The following CATSPERE variants were observed in gnomAD, a reference collection of about 807,000 sequenced individuals.
The protein encoded by CATSPERE is catsper channel auxiliary subunit epsilon.
CATSPERE carries 93 observed loss-of-function variants against 114.1 expected under a neutral mutation model. The observed-to-expected ratio is 0.81, with a 90% CI of 0.69 to 0.97. CATSPERE has a LOEUF of 0.97. CATSPERE is among the 50% of genes least tolerant of loss of function. The pLI is 0.00. For missense variants in CATSPERE, 1,058 were observed against 1,131.6 expected (o/e 0.93, Z 0.93); for synonymous variants, 341 against 384.1 (o/e 0.89, Z 1.31).
At chr1:244,488,634 T>C (rs554331901) in intron 5 of CATSPERE, among the ~76,000 whole-genome samples, 2 of 152,374 alleles carry the variant, frequency 1.3e-5, no homozygotes, top group South Asian at 2.1e-4. Context: ...TCTTTTATTA[T>C]CGACAAGTAT....
intron 17 of CATSPERE, among the ~76,000 whole-genome samples, chr1:244,601,508 A>C (rs191807508): frequency 1.7e-4 from 26 of 152,324 alleles, no homozygotes; most frequent in Admixed American, 3.3e-4. Context: ...CTGTCATATA[A>C]ATAAGACAGA....
At chr1:244,490,615 C>A (rs1212069038) in intron 6 of CATSPERE, 144 bp downstream of exon 6, 1 of 530,166 alleles carries the variant, frequency 1.9e-6, no homozygotes, top group Non-Finnish European at 3.4e-6. Flanking sequence ...CTATAAGACC[C>A]ATTCAGGAGG....
intron 1 of CATSPERE, among the ~76,000 whole-genome samples, chr1:244,455,092 G>T (rs1247287944): frequency 6.6e-6 from 1 of 152,086 alleles, no homozygotes; most frequent in African/African-American, 2.4e-5. Context: ...GCTTCTGTAG[G>T]CTCCTTCTGG....
chr1:244,639,875 C>A, intron 21 of CATSPERE, 53 bp from the exon 22 acceptor site: 1 of 1,479,236 alleles, frequency 6.8e-7, no homozygotes. Flanking sequence ...AAATTAACAG[C>A]CAAAGTGTGA....
intron 9 of CATSPERE, among the ~76,000 whole-genome samples, chr1:244,556,106 G>A (rs1661530727): frequency 6.6e-6 from 1 of 152,148 alleles, no homozygotes; most frequent in South Asian, 2.1e-4. Flanking sequence ...GCTGAAGTGG[G>A]AAGGTTGCTT....
At chr1:244,621,263 T>C (rs12134120) in intron 20 of CATSPERE, among the ~76,000 whole-genome samples, 1,360 of 110,572 alleles carry the variant, frequency 0.012, 230 homozygotes, top group African/African-American at 0.047. Flanking sequence ...ATAGATATAT[T>C]TATATAGATA....
intron 8 of CATSPERE, among the ~76,000 whole-genome samples, chr1:244,543,990 T>C (rs3000696): frequency 0.99 from 151,082 of 152,174 alleles, 75,005 homozygotes; most frequent in Middle Eastern, 1. Flanking sequence ...GAAAGTCAGA[T>C]ACCTAACTCA....
chr1:244,558,899 C>A (rs1389823616), intron 9 of CATSPERE, among the ~76,000 whole-genome samples: 1 of 152,158 alleles, frequency 6.6e-6, no homozygotes, highest in African/African-American at 2.4e-5. Flanking sequence ...CTCCCTTACC[C>A]CACTCCTAGT....
In CATSPERE at chr1:244,610,419, T is replaced by TA. The variant is rs1203658652; in HGVS notation, c.2490+96dup. On this transcript the variant is annotated intron_variant, in intron 19 of 21. Transcript: ENST00000366534. ...AAACTTGATGGAAACATTTTGGATT[T>TA]AAATTTGCTTTGGTAAATCAAATCC... The TA allele has an allele frequency of 1.0e-5, 9 of 875,978 alleles. No homozygotes were observed. In the East Asian group the frequency reaches 2.4e-4, roughly 23 times the overall value. The allele number at this position is 875,978 out of a possible 1,614,324, so 54.3% of individuals were successfully genotyped here.
upstream of CATSPERE, among the ~76,000 whole-genome samples, chr1:244,458,889 A>G (rs1477985050): frequency 2.0e-5 from 3 of 152,180 alleles, no homozygotes; most frequent in African/African-American, 4.8e-5. Flanking sequence ...TCACTTATAG[A>G]GCCAATTAAA....
intron 11 of CATSPERE, among the ~76,000 whole-genome samples, chr1:244,581,168 A>G (rs1439739577): frequency 6.6e-6 from 1 of 152,032 alleles, no homozygotes; most frequent in Non-Finnish European, 1.5e-5. Flanking sequence ...ATAAACATCT[A>G]CATATATTGT....
In CATSPERE at chr1:244,607,696, G is replaced by A. The variant is rs935619304; in HGVS notation, c.2403+1902G>A. On this transcript the variant is annotated intron_variant, in intron 18 of 21. Coordinates refer to ENST00000366534, the MANE Select transcript of CATSPERE (RefSeq NM_001130957.2). The surrounding 1 kb of genome is among the most constrained non-coding windows in gnomAD (Gnocchi z 4.4). ...ACAAGTAAGGCTGGAGTAGATGAGA[G>A]CTGGAATGCAAGGAGCCACTACACA... 2.0e-5 allele frequency among the ~76,000 whole-genome samples: 3 copies of A among 152,222 alleles called. No homozygotes were observed. The highest frequency in any genetic ancestry group is 6.5e-5 in the Admixed American group (1 of 15,286).
At chr1:244,463,667 G>A (rs1315229435) in intron 1 of CATSPERE, among the ~76,000 whole-genome samples, 1 of 150,840 alleles carries the variant, frequency 6.6e-6, no homozygotes, top group South Asian at 2.1e-4. Context: ...AAAAAACCAG[G>A]TAAAGAGTAT....
chr1:244,631,970 A>T (rs1324414952), intron 20 of CATSPERE, among the ~76,000 whole-genome samples: 1 of 152,182 alleles, frequency 6.6e-6, no homozygotes, highest in Non-Finnish European at 1.5e-5. Context: ...AATGAGGCTG[A>T]GGTGGGAGGA....
At chr1:244,502,849 A>C (rs190658491) in intron 7 of CATSPERE, among the ~76,000 whole-genome samples, 5 of 152,180 alleles carry the variant, frequency 3.3e-5, no homozygotes, top group South Asian at 2.1e-4. Flanking sequence ...AAATTGTCCA[A>C]CAGAAGAACA....
At chr1:244,464,255 A>G (rs1667246520) in intron 2 of CATSPERE, among the ~76,000 whole-genome samples, 1 of 152,248 alleles carries the variant, frequency 6.6e-6, no homozygotes, top group Non-Finnish European at 1.5e-5. Context: ...TGGGAGTGCT[A>G]TTAATAATTA....
intron 2 of CATSPERE, among the ~76,000 whole-genome samples, chr1:244,474,462 G>C (rs1025996626): frequency 6.6e-6 from 1 of 151,230 alleles, no homozygotes; most frequent in African/African-American, 2.4e-5. Flanking sequence ...TCAATTTCAT[G>C]TATTATTCTT....
intron 10 of CATSPERE, among the ~76,000 whole-genome samples, chr1:244,569,054 G>C (rs1444764720): frequency 6.6e-6 from 1 of 152,016 alleles, no homozygotes; most frequent in Admixed American, 6.5e-5. Context: ...GTTCCTCATG[G>C]AGGAACCAGA....
chr1:244,502,156 A>T (rs534661494), intron 7 of CATSPERE, among the ~76,000 whole-genome samples: 2 of 152,290 alleles, frequency 1.3e-5, no homozygotes, highest in East Asian at 3.9e-4. Flanking sequence ...ATCCACAATG[A>T]TGAAATGAAG....
Sources: allele counts gnomAD v4.1 joint callset (sites outside exome capture counted in the v4.1 genomes callset), GRCh38; gene constraint gnomAD v4.1.1; non-coding constraint Gnocchi (gnomAD v3.1); transcripts MANE v1.5; gene names NCBI Gene and HGNC (gene_info 2026-07-23, HGNC 2026-07-21).